Variants in KCNB2 observed in about 807,000 individuals in gnomAD.
KCNB2 encodes the protein potassium voltage-gated channel subfamily B member 2.
KCNB2 carries 15 observed loss-of-function variants against 61.5 expected under a neutral mutation model. That is an observed-to-expected ratio of 0.24 (90% CI 0.16 to 0.38). The LOEUF is 0.38. Among genes scored for constraint, KCNB2 ranks in the 10% least tolerant of loss-of-function variants. KCNB2 has a pLI of 1.00. For missense variants in KCNB2, 828 were observed against 1,125.2 expected (o/e 0.74, Z 3.78); for synonymous variants, 457 against 446.0 (o/e 1.02, Z -0.31).
chr8:72,883,004 C>T (rs1303946774), intron 2 of KCNB2, among the ~76,000 whole-genome samples: 2 of 152,090 alleles, frequency 1.3e-5, no homozygotes, highest in African/African-American at 2.4e-5. Context: ...CCTCCATTCC[C>T]GGGGCTACAC....
intron 2 of KCNB2, among the ~76,000 whole-genome samples, chr8:72,823,281 A>G (rs904657818): frequency 3.9e-5 from 6 of 152,146 alleles, no homozygotes; most frequent in Non-Finnish European, 7.3e-5. Flanking sequence ...GAGTACCTTG[A>G]GAACAGGTGA....
intron 2 of KCNB2, among the ~76,000 whole-genome samples, chr8:72,618,031 C>A (rs1204293927): frequency 6.6e-6 from 1 of 152,126 alleles, no homozygotes; most frequent in Non-Finnish European, 1.5e-5. Context: ...TGCTGCACAG[C>A]CTCCCACTCA....
chr8:72,763,908 A>G (rs2128996654), intron 2 of KCNB2, among the ~76,000 whole-genome samples: 1 of 152,280 alleles, frequency 6.6e-6, no homozygotes, highest in African/African-American at 2.4e-5. Flanking sequence ...GGGCTTTGGT[A>G]GGAAGGTGGA....
chr8:72,847,790 AG>A lies in KCNB2; in HGVS notation c.580-88144del, dbSNP rs1422886294. Among the ~76,000 whole-genome samples the A allele has an allele frequency of 2.0e-5, 3 of 152,204 alleles. 1 individual carries two copies. Among genetic ancestry groups the A allele is most frequent in the African/African-American group, 4.8e-5 (2 of 41,454 alleles). On this transcript the variant is annotated intron_variant, in intron 2 of 2. Coordinates refer to ENST00000523207, the MANE Select transcript of KCNB2 (RefSeq NM_004770.3). ...CCAAATATATTCACCATAATATCCC[AG>A]ATATTCCAGGCAAATGGTTGAGAGA...
At chr8:72,588,429 C>A (rs1216314530) in intron 2 of KCNB2, among the ~76,000 whole-genome samples, 1 of 151,938 alleles carries the variant, frequency 6.6e-6, no homozygotes, top group African/African-American at 2.4e-5. Flanking sequence ...GTTGGTCAGG[C>A]TGACCTCAGG....
At chr8:72,563,707 C>T (rs1443624073) in intron 1 of KCNB2, among the ~76,000 whole-genome samples, 1 of 152,022 alleles carries the variant, frequency 6.6e-6, no homozygotes, top group African/African-American at 2.4e-5. Context: ...CAGAAAGGCT[C>T]AGTGAGTTTC....
chr8:72,691,927 C>A (rs550837016), intron 2 of KCNB2, among the ~76,000 whole-genome samples: 1 of 152,078 alleles, frequency 6.6e-6, no homozygotes, highest in Non-Finnish European at 1.5e-5. Flanking sequence ...ATTATATCTG[C>A]TGAATCTAAT....
intron 2 of KCNB2, among the ~76,000 whole-genome samples, chr8:72,584,313 T>TA (rs749188077): frequency 1.5e-4 from 23 of 152,194 alleles, no homozygotes; most frequent in Non-Finnish European, 2.8e-4. Context: ...CGGGGAGAGT[T>TA]AAAGTCTCGG....
intron 2 of KCNB2, among the ~76,000 whole-genome samples, chr8:72,755,201 A>C (rs1221591564): frequency 6.6e-6 from 1 of 152,198 alleles, no homozygotes; most frequent in Non-Finnish European, 1.5e-5. Flanking sequence ...AGGGACGTCT[A>C]AGTAACTGTC....
intron 2 of KCNB2, among the ~76,000 whole-genome samples, chr8:72,900,991 G>A (rs1806080877): frequency 6.6e-6 from 1 of 151,902 alleles, no homozygotes; most frequent in South Asian, 2.1e-4. Context: ...CTTATTACTG[G>A]GTATATACCC....
intron 2 of KCNB2, among the ~76,000 whole-genome samples, chr8:72,713,374 C>A (rs552768021): frequency 7.4e-4 from 112 of 152,308 alleles, no homozygotes; most frequent in African/African-American, 2.4e-3. Flanking sequence ...CAAGTGGGTC[C>A]CTGACCCCCA....
At chr8:72,899,389 A>G (rs1806046469) in intron 2 of KCNB2, among the ~76,000 whole-genome samples, 1 of 152,192 alleles carries the variant, frequency 6.6e-6, no homozygotes. Context: ...CAGAGCAATC[A>G]GGCAAGAGAA....
In KCNB2 at chr8:72,626,427, C is replaced by T. The variant is rs564300843; in HGVS notation, c.579+58114C>T. 2.5e-4 allele frequency among the ~76,000 whole-genome samples: 38 copies of T among 152,278 alleles called. No individual in the cohort carries two copies. The South Asian group carries it at 7.3e-3, about 29-fold the overall frequency. ...CAATCACACTCAGAATATATTTGGG[C>T]AGCTTATATGTGCAATGTGTTACAT... On this transcript the variant is annotated intron_variant, in intron 2 of 2. Transcript: ENST00000523207.
intron 2 of KCNB2, among the ~76,000 whole-genome samples, chr8:72,580,445 A>G (rs564801030): frequency 6.6e-6 from 1 of 152,152 alleles, no homozygotes; most frequent in African/African-American, 2.4e-5. Context: ...CTTTCCTATC[A>G]TTGTCCAATA....
At chr8:72,851,840 A>AAAAAAAAAAAAAAAAAAAAAAAAC (rs1554538995) in intron 2 of KCNB2, among the ~76,000 whole-genome samples, 1 of 134,462 alleles carries the variant, frequency 7.4e-6, no homozygotes, top group African/African-American at 3.0e-5. Flanking sequence ...AAAAAAAAAA[A>AAAAAAAAAAAAAAAAAAAAAAAAC]AAAAAAAACA....
At chr8:72,782,437 G>A (rs1384045735) in intron 2 of KCNB2, among the ~76,000 whole-genome samples, 1 of 152,070 alleles carries the variant, frequency 6.6e-6, no homozygotes, top group African/African-American at 2.4e-5. Context: ...AAAATCCCAT[G>A]TCTCGTTTGC....
chr8:72,818,067 C>T (rs547975078), intron 2 of KCNB2, among the ~76,000 whole-genome samples: 2 of 152,012 alleles, frequency 1.3e-5, no homozygotes, highest in Non-Finnish European at 2.9e-5. Flanking sequence ...CAGATTTACC[C>T]AATAGGATTT....
intron 2 of KCNB2, among the ~76,000 whole-genome samples, chr8:72,762,186 A>G (rs1426196946): frequency 2.6e-5 from 4 of 152,152 alleles, no homozygotes; most frequent in African/African-American, 9.7e-5. Context: ...TCAAGTTACC[A>G]CCTGCTTCGC....
chr8:72,633,487 C>T (rs1286214320), intron 2 of KCNB2, among the ~76,000 whole-genome samples: 2 of 152,078 alleles, frequency 1.3e-5, no homozygotes, highest in African/African-American at 2.4e-5. Context: ...ATTCAGATTC[C>T]GGGAATTAGG....
Sources: gnomAD v4.1 joint callset for allele counts (sites outside exome capture counted in the v4.1 genomes callset) on GRCh38, gnomAD v4.1.1 for gene constraint, MANE v1.5 for transcripts, NCBI Gene and HGNC (gene_info 2026-07-23, HGNC 2026-07-21) for gene names.